The following TAB2 variants were observed in gnomAD, a reference collection of about 807,000 sequenced individuals.
TAB2 encodes TGF-beta activated kinase 1 (MAP3K7) binding protein 2, also known as TGF-beta-activated kinase 1 and MAP3K7-binding protein 2.
TAB2 carries 3 observed loss-of-function variants against 65.0 expected under a neutral mutation model. The ratio of observed to expected loss-of-function variants is 0.05; its 90% CI spans 0.02 to 0.12. TAB2 has a LOEUF of 0.12. Ranked by LOEUF, TAB2 falls within the 10% of genes least tolerant of loss-of-function variation. The pLI is 1.00. For synonymous variants in TAB2, 298 were observed against 285.1 expected (o/e 1.05, Z -0.46); for missense variants, 623 against 840.3 (o/e 0.74, Z 3.20).
chr6:149,299,756 A>G (rs1778938573), intron 1 of TAB2, among the ~76,000 whole-genome samples: 1 of 152,180 alleles, frequency 6.6e-6, no homozygotes. Context: ...CACACCTGTA[A>G]TCCCAACACT....
chr6:149,260,979 T>C (rs1187123618), intron 1 of TAB2, among the ~76,000 whole-genome samples: 1 of 152,266 alleles, frequency 6.6e-6, no homozygotes, highest in East Asian at 1.9e-4. Flanking sequence ...ATATTTCCTC[T>C]GGATTAAACA....
chr6:149,292,543 G>A (rs7768802), intron 1 of TAB2, among the ~76,000 whole-genome samples: 2,874 of 152,314 alleles, frequency 0.019, 85 homozygotes, highest in South Asian at 0.089. Context: ...GAAAGAAATT[G>A]TTTTAAATGG....
intron 1 of TAB2, among the ~76,000 whole-genome samples, chr6:149,274,638 G>T (rs528544518): frequency 5.3e-5 from 8 of 152,284 alleles, no homozygotes; most frequent in African/African-American, 1.7e-4. Flanking sequence ...GGAGGAAAAG[G>T]TCCTTTGAGA....
At chr6:149,325,261 A>G (rs1451363359) in intron 1 of TAB2, among the ~76,000 whole-genome samples, 1 of 152,220 alleles carries the variant, frequency 6.6e-6, no homozygotes, top group Non-Finnish European at 1.5e-5. Context: ...AAATGGATAT[A>G]GTAATACCTA....
At chr6:149,270,723 C>T (rs1205068134) in intron 1 of TAB2, among the ~76,000 whole-genome samples, 4 of 152,234 alleles carry the variant, frequency 2.6e-5, no homozygotes, top group Non-Finnish European at 4.4e-5. Flanking sequence ...CACAGATGCA[C>T]ATGGCACCAG....
chr6:149,392,064 C>G (rs1362530766), intron 3 of TAB2, among the ~76,000 whole-genome samples: 1 of 141,610 alleles, frequency 7.1e-6, no homozygotes, highest in African/African-American at 2.6e-5. Context: ...GTTGTCTTCA[C>G]TTAATCTGGA....
At chr6:149,262,305 G>A (rs1778169457) in intron 1 of TAB2, among the ~76,000 whole-genome samples, 1 of 152,202 alleles carries the variant, frequency 6.6e-6, no homozygotes. Flanking sequence ...GGCCCTGGCG[G>A]GAGGATCACT....
At chr6:149,351,358 C>T (rs1326612387) in intron 1 of TAB2, among the ~76,000 whole-genome samples, 1 of 152,170 alleles carries the variant, frequency 6.6e-6, no homozygotes, top group Non-Finnish European at 1.5e-5. Context: ...TGTTCCTTTG[C>T]ACTTCGTGGA....
At chr6:149,290,596 C>T (rs1226796334) in intron 1 of TAB2, among the ~76,000 whole-genome samples, 2 of 152,256 alleles carry the variant, frequency 1.3e-5, no homozygotes, top group East Asian at 3.9e-4. Context: ...GTAATACCAG[C>T]ACTCTGGGAG....
intron 1 of TAB2, among the ~76,000 whole-genome samples, chr6:149,268,638 A>G (rs1583056558): frequency 1.3e-5 from 2 of 152,220 alleles, no homozygotes; most frequent in South Asian, 4.1e-4. Flanking sequence ...GTGTCTTTGC[A>G]TACATGGAGA....
intron 1 of TAB2, among the ~76,000 whole-genome samples, chr6:149,262,157 G>A (rs1178352786): frequency 6.6e-6 from 1 of 152,206 alleles, no homozygotes; most frequent in Non-Finnish European, 1.5e-5. Flanking sequence ...AAGCAAAGAA[G>A]ATGATGAGGC....
At chr6:149,357,430 A>AAAAAAAAAACACACACAC in intron 1 of TAB2, among the ~76,000 whole-genome samples, 5 of 111,182 alleles carry the variant, frequency 4.5e-5, no homozygotes, top group African/African-American at 1.7e-4. Flanking sequence ...AGAAAAAAAA[A>AAAAAAAAAACACACACAC]ACACACACAC....
intron 6 of TAB2, 99 bp downstream of exon 6, chr6:149,399,283 A>G (rs1782284868): frequency 3.5e-6 from 3 of 848,810 alleles, no homozygotes; most frequent in African/African-American, 3.4e-5. Context: ...AATTGCTTCA[A>G]ACTTTGGCAT....
intron 1 of TAB2, among the ~76,000 whole-genome samples, chr6:149,276,967 T>C (rs748267543): frequency 6.6e-6 from 1 of 152,220 alleles, no homozygotes; most frequent in Non-Finnish European, 1.5e-5. Context: ...CATACTGTTC[T>C]CTTCATAGTG....
At chr6:149,407,678 T>A (rs953528252) in intron 6 of TAB2, among the ~76,000 whole-genome samples, 5 of 152,144 alleles carry the variant, frequency 3.3e-5, no homozygotes, top group African/African-American at 1.2e-4. Context: ...TGTAGAGATT[T>A]TTTTAACAGC....
chr6:149,316,630 T>TC (rs1392364956), upstream of TAB2, among the ~76,000 whole-genome samples: 1 of 151,304 alleles, frequency 6.6e-6, no homozygotes, highest in African/African-American at 2.4e-5. Context: ...TAAACACGCT[T>TC]TTTTTTTCCC....
At chr6:149,384,433 C>T (rs1562446246) in intron 3 of TAB2, among the ~76,000 whole-genome samples, 1 of 152,152 alleles carries the variant, frequency 6.6e-6, no homozygotes, top group African/African-American at 2.4e-5. Context: ...AGCACTAAGT[C>T]TGTCAGCACC....
At chr6:149,394,140 G>A (rs542385604) in intron 3 of TAB2, among the ~76,000 whole-genome samples, 1 of 151,614 alleles carries the variant, frequency 6.6e-6, no homozygotes, top group African/African-American at 2.4e-5. Flanking sequence ...TTGTTTCTTG[G>A]TGTGTTCAGT....
chr6:149,408,616 A>G (rs1782743205), intron 6 of TAB2, among the ~76,000 whole-genome samples: 1 of 152,228 alleles, frequency 6.6e-6, no homozygotes, highest in South Asian at 2.1e-4. Context: ...TAACCTTGAC[A>G]GGAAAAATTC....
Sources: allele counts gnomAD v4.1 joint callset (sites outside exome capture counted in the v4.1 genomes callset), GRCh38; gene constraint gnomAD v4.1.1; transcripts MANE v1.5; gene names NCBI Gene and HGNC (gene_info 2026-07-23, HGNC 2026-07-21).